Variants in ZNF37A observed in about 807,000 individuals in gnomAD.
The protein encoded by ZNF37A is zinc finger protein 37a (KOX 21).
In ZNF37A, 10 loss-of-function variants were observed where a neutral mutation model predicts 12.3. The ratio of observed to expected loss-of-function variants is 0.82; its 90% CI spans 0.50 to 1.38. ZNF37A has a LOEUF of 1.38. Ranked by LOEUF, ZNF37A falls within the 40% of genes most tolerant of loss-of-function variation. The pLI is 0.00. For missense variants in ZNF37A, 580 were observed against 651.2 expected, an observed-to-expected ratio of 0.89 and a Z score of 1.19; for synonymous variants, 207 against 223.0, an observed-to-expected ratio of 0.93 and a Z score of 0.64.
intron 7 of ZNF37A, among the ~76,000 whole-genome samples, chr10:38,145,753 G>C (rs1383073733): frequency 6.6e-6 from 1 of 152,160 alleles, no homozygotes; most frequent in African/African-American, 2.4e-5. Flanking sequence ...AAACAGAAAG[G>C]ACCAGCTGAG....
intron 7 of ZNF37A, chr10:38,115,614 C>T (rs1590897056): frequency 6.0e-6 from 1 of 167,686 alleles, no homozygotes; most frequent in East Asian, 1.6e-4. Flanking sequence ...GATTTTTCAA[C>T]ACCCCCAGAA....
At chr10:38,101,424 C>T (rs2067564803) in intron 5 of ZNF37A, among the ~76,000 whole-genome samples, 1 of 150,580 alleles carries the variant, frequency 6.6e-6, no homozygotes, top group African/African-American at 2.4e-5. Flanking sequence ...AAAAATTGTC[C>T]TTTCCTTATT....
At chr10:38,117,134 A>C (rs576923433) in intron 7 of ZNF37A, 204 of 979,636 alleles carry the variant, frequency 2.1e-4, no homozygotes, top group East Asian at 1.5e-3. Flanking sequence ...ACCACCACCA[A>C]CAACAACCAA....
At chr10:38,131,336 C>T (rs1308092658) in intron 7 of ZNF37A, among the ~76,000 whole-genome samples, 1 of 152,076 alleles carries the variant, frequency 6.6e-6, no homozygotes, top group East Asian at 1.9e-4. Flanking sequence ...TAGGTCTTGC[C>T]TTTAGATCAT....
intron 5 of ZNF37A, among the ~76,000 whole-genome samples, chr10:38,102,414 C>T (rs532469865): frequency 2.6e-4 from 40 of 152,234 alleles, no homozygotes; most frequent in Non-Finnish European, 4.9e-4. Context: ...TTAATACCAA[C>T]TAAGCCTTAA....
In ZNF37A at chr10:38,117,843, C is replaced by G; in HGVS notation, c.692C>G (p.Thr231Ser). The change falls in exon 8 of 8, where the codon ACT becomes AGT. Residue 231 changes from threonine to serine, a missense_variant. By Grantham distance (58) the Thr-to-Ser change is moderately conservative. Transcript: ENST00000685332. ...CCATTCAGCCAGAAGTTAAATCTCA[C>G]TCCAATTCAGAGAACCCACTCAATT... ...VYPFSQKLNLTPIQRTHSINN... is the reference protein window; with the variant it reads ...VYPFSQKLNLSPIQRTHSINN... The G allele has an allele frequency of 6.2e-7, 1 of 1,613,998 alleles. No individual in the cohort carries two copies. Among genetic ancestry groups the G allele is most frequent in the South Asian group, 1.1e-5 (1 of 91,082 alleles).
chr10:38,121,788 C>T lies in ZNF37A; in HGVS notation c.*2951C>T, dbSNP rs1053029050. ...TTTGTGTTCATTCTACTGAGAGGAC[C>T]TAAACACAATGACACCTCAGTAACA... On this transcript the variant is annotated 3_prime_UTR_variant, in exon 8 of 8. Transcript: ENST00000685332. 2 of 152,074 alleles carry T rather than the reference C, an allele frequency of 1.3e-5. No individual in the cohort carries two copies. The highest frequency in any genetic ancestry group is 1.3e-4 in the Admixed American group (2 of 15,258). The allele number at this position is 152,074 out of a possible 1,614,324, so 9.4% of individuals were successfully genotyped here.
chr10:38,117,820 A>G lies in ZNF37A; in HGVS notation c.669A>G (p.Pro223=). 6.2e-7 allele frequency: 1 copy of G among 1,614,072 alleles called. No homozygotes were observed. The highest frequency in any genetic ancestry group is 8.5e-7 in the Non-Finnish European group (1 of 1,179,998). The change falls in exon 8 of 8, where the codon CCA becomes CCG. Residue 223 remains proline (P), a synonymous_variant. Transcript: ENST00000685332. ...TCCTTGAACATCAGAGTGTTTACCCATTCAGCCAGAAGTTAAATCTCACTC... is the reference window on the plus strand; with the variant it reads ...TCCTTGAACATCAGAGTGTTTACCCGTTCAGCCAGAAGTTAAATCTCACTC... ...SILLEHQSVY[P]FSQKLNLTPI... is the part of the protein sequence containing the mutation.
At chr10:38,100,458 G>T (rs2067473938) in intron 5 of ZNF37A, among the ~76,000 whole-genome samples, 1 of 152,182 alleles carries the variant, frequency 6.6e-6, no homozygotes, top group Non-Finnish European at 1.5e-5. Flanking sequence ...CAGGGGGGCT[G>T]TCTATAGGCC....
At chr10:38,138,928 A>G (rs1347443602) in intron 7 of ZNF37A, 4 of 152,198 alleles carry the variant, frequency 2.6e-5, no homozygotes, top group Non-Finnish European at 2.9e-5. Flanking sequence ...CTAAAGACAC[A>G]TCCTCTGGTT....
At chr10:38,110,640 A>G (rs2068561552) in intron 5 of ZNF37A, among the ~76,000 whole-genome samples, 1 of 152,100 alleles carries the variant, frequency 6.6e-6, no homozygotes, top group Non-Finnish European at 1.5e-5. Flanking sequence ...AATTTACAAG[A>G]AAAAAACAAC....
At chr10:38,126,399 TC>T (rs1323740841), downstream of ZNF37A, among the ~76,000 whole-genome samples, 1 of 152,056 alleles carries the variant, frequency 6.6e-6, no homozygotes, top group Non-Finnish European at 1.5e-5. Flanking sequence ...TCCCCTTAAT[TC>T]CTGTCTATAT....
At chr10:38,112,933 G>A (rs551599275) in intron 5 of ZNF37A, among the ~76,000 whole-genome samples, 7 of 151,566 alleles carry the variant, frequency 4.6e-5, no homozygotes, top group Non-Finnish European at 7.4e-5. Flanking sequence ...TCAGCCTCCC[G>A]AGTAGCTGGG....
intron 5 of ZNF37A, among the ~76,000 whole-genome samples, chr10:38,100,951 T>G (rs1357581144): frequency 6.6e-6 from 1 of 152,236 alleles, no homozygotes; most frequent in African/African-American, 2.4e-5. Context: ...TCTTCTGCCT[T>G]GGCTGCAGCC....
chr10:38,120,037 C>T lies in ZNF37A; in HGVS notation c.*1200C>T, dbSNP rs1345726225. The T allele has an allele frequency of 6.6e-6, 1 of 152,182 alleles. No individual in the cohort carries two copies. Among genetic ancestry groups the T allele is most frequent in the Non-Finnish European group, 1.5e-5 (1 of 68,046 alleles). 9.4% of individuals were successfully genotyped at this position (152,182 alleles called of 1,614,324 possible). A position where few individuals can be genotyped will look rare whatever the true frequency, so the allele number is the denominator to read the frequency against. On this transcript the variant is annotated 3_prime_UTR_variant, in exon 8 of 8. Transcript: ENST00000685332. ...ATTCTGCTGTGAGTGACTTATTGTA[C>T]CCAACTCTATTTCTCTCCATACTGA...
chr10:38,105,632 C>A (rs1362335550), intron 5 of ZNF37A, among the ~76,000 whole-genome samples: 4 of 152,190 alleles, frequency 2.6e-5, no homozygotes, highest in Non-Finnish European at 5.9e-5. Context: ...GGCAGAGCTT[C>A]CTAATCACCT....
chr10:38,103,631 A>G (rs555564636), intron 5 of ZNF37A, among the ~76,000 whole-genome samples: 1 of 152,276 alleles, frequency 6.6e-6, no homozygotes, highest in South Asian at 2.1e-4. Context: ...TTGAAAACTG[A>G]ACATTTTGAA....
At chr10:38,098,079 T>C (rs1407675792) in intron 5 of ZNF37A, among the ~76,000 whole-genome samples, 1 of 152,246 alleles carries the variant, frequency 6.6e-6, no homozygotes, top group African/African-American at 2.4e-5. Flanking sequence ...TTGTAGCCTT[T>C]TGTGTCTGAT....
chr10:38,101,351 T>C (rs2067555147), intron 5 of ZNF37A, among the ~76,000 whole-genome samples: 2 of 51,372 alleles, frequency 3.9e-5, no homozygotes, highest in African/African-American at 1.4e-4. Context: ...TTGAGTTAAT[T>C]TTTTTTTTTT....
Sources: gnomAD v4.1 joint callset for allele counts (sites outside exome capture counted in the v4.1 genomes callset) on GRCh38, gnomAD v4.1.1 for gene constraint, MANE v1.5 for transcripts, NCBI Gene and HGNC (gene_info 2026-07-23, HGNC 2026-07-21) for gene names.